Variants in ZDHHC20 observed in about 807,000 individuals in gnomAD.
ZDHHC20 encodes the protein zDHHC palmitoyltransferase 20, also known as palmitoyltransferase ZDHHC20.
In ZDHHC20, 43 loss-of-function variants were observed where a neutral mutation model predicts 57.8. That is an observed-to-expected ratio of 0.74 (90% confidence interval 0.58 to 0.96). The LOEUF (loss-of-function observed/expected upper bound fraction) is 0.96, where lower values mean the gene tolerates loss of function less well. Among genes scored for constraint, ZDHHC20 ranks in the 40% least tolerant of loss-of-function variants. ZDHHC20 has a pLI of 0.00. For missense variants in ZDHHC20, 391 were observed against 441.1 expected, an observed-to-expected ratio of 0.89 and a Z score of 1.02; for synonymous variants, 157 against 153.0, an observed-to-expected ratio of 1.03 and a Z score of -0.19.
At chr13:21,423,232 C>A (rs377014335) in intron 2 of ZDHHC20, among the ~76,000 whole-genome samples, 1 of 152,190 alleles carries the variant, frequency 6.6e-6, no homozygotes, top group South Asian at 2.1e-4. Flanking sequence ...AAAATCGTAA[C>A]CCTAACTTCC....
intron 9 of ZDHHC20, 102 bp from the exon 10 acceptor site, chr13:21,383,111 C>T: frequency 9.3e-7 from 1 of 1,078,366 alleles, no homozygotes; most frequent in East Asian, 2.6e-5. Flanking sequence ...ATTATCATAA[C>T]TTGTCATATA....
rs543704563 is a variant in ZDHHC20, at chr13:21,437,826, G to A, written c.119-12148C>T. ...CCTGCCTCAGCCTCCTAAGTAGGTAGGACTACAGGCGCCCGCCACCACGCC... is the reference window on the plus strand; with the variant it reads ...CCTGCCTCAGCCTCCTAAGTAGGTAAGACTACAGGCGCCCGCCACCACGCC... On this transcript the variant is annotated intron_variant, in intron 1 of 12. Transcript: ENST00000400590. Among the ~76,000 whole-genome samples the A allele has an allele frequency of 3.3e-5, 5 of 152,174 alleles. No individual in the cohort carries two copies. In the South Asian group the frequency reaches 1.0e-3, roughly 32 times the overall value.
intron 4 of ZDHHC20, 103 bp downstream of exon 4, chr13:21,413,549 A>C: frequency 1.9e-6 from 2 of 1,053,514 alleles, no homozygotes; most frequent in Non-Finnish European, 2.6e-6. Context: ...TATTTATGGC[A>C]ATCATAGTAT....
At chr13:21,393,189 CTT>C (rs544664779) in intron 7 of ZDHHC20, among the ~76,000 whole-genome samples, 5 of 131,490 alleles carry the variant, frequency 3.8e-5, no homozygotes, top group Non-Finnish European at 6.9e-5. Flanking sequence ...TTTCTTTTTT[CTT>C]TTTTTTTTTT....
At position 21,401,637 on chromosome 13, in the gene ZDHHC20, GT is replaced by G. The variant is rs767066862; in HGVS notation, c.473+15del. The G allele has an allele frequency of 1.3e-6, 2 of 1,533,376 alleles. No homozygotes were observed. The highest frequency in any genetic ancestry group is 1.8e-6 in the Non-Finnish European group (2 of 1,142,430). 95.0% of individuals were successfully genotyped at this position (1,533,376 alleles called of 1,614,324 possible). A position where few individuals can be genotyped will look rare whatever the true frequency, so the allele number is the denominator to read the frequency against. ...TCTCACCACCAATGCAATTTCTTCTGTTTTTTTATACATACCAAGGACAGTG... is the reference window on the plus strand; with the variant it reads ...TCTCACCACCAATGCAATTTCTTCTGTTTTTTATACATACCAAGGACAGTG... On this transcript the variant is annotated intron_variant, in intron 6 of 12. Coordinates refer to ENST00000400590, the MANE Select transcript of ZDHHC20 (RefSeq NM_001330059.2).
chr13:21,396,134 C>A (rs1876748191), intron 7 of ZDHHC20, among the ~76,000 whole-genome samples: 1 of 152,166 alleles, frequency 6.6e-6, no homozygotes. Flanking sequence ...CCCACAGGAA[C>A]CACAATAAAG....
rs1291138735 is a variant in ZDHHC20, at chr13:21,459,217, G to A, written c.-46C>T. The A allele has an allele frequency of 2.7e-6, 4 of 1,482,850 alleles. No individual in the cohort carries two copies. The highest frequency in any genetic ancestry group is 2.0e-5 in the Admixed American group (1 of 48,926). 91.9% of individuals were successfully genotyped at this position (1,482,850 alleles called of 1,614,324 possible). Reference sequence around the variant, plus strand: ...GCCCCGCGTCCCACCGTTCTGGGGAGCGCGGGAGCCCCGGCGACGGTGACT... The same window carrying A: ...GCCCCGCGTCCCACCGTTCTGGGGAACGCGGGAGCCCCGGCGACGGTGACT... On this transcript the variant is annotated 5_prime_UTR_variant, in exon 1 of 13. Coordinates refer to ENST00000400590, the MANE Select transcript of ZDHHC20 (RefSeq NM_001330059.2).
intron 7 of ZDHHC20, among the ~76,000 whole-genome samples, chr13:21,394,656 A>T (rs536170685): frequency 6.6e-6 from 1 of 152,338 alleles, no homozygotes; most frequent in South Asian, 2.1e-4. Context: ...AAATCATTGC[A>T]CACAAACATT....
intron 7 of ZDHHC20, among the ~76,000 whole-genome samples, chr13:21,393,940 A>G (rs1014060746): frequency 6.6e-6 from 1 of 152,198 alleles, no homozygotes; most frequent in Admixed American, 6.5e-5. Flanking sequence ...ACTAGTTTCC[A>G]AAAACTAGAT....
intron 1 of ZDHHC20, among the ~76,000 whole-genome samples, chr13:21,434,165 G>A (rs1019877854): frequency 2.0e-5 from 3 of 152,060 alleles, no homozygotes; most frequent in African/African-American, 7.2e-5. Flanking sequence ...TACCTGATAA[G>A]TTGATACCGA....
At chr13:21,411,259 T>C (rs1331442377) in intron 4 of ZDHHC20, among the ~76,000 whole-genome samples, 1 of 152,186 alleles carries the variant, frequency 6.6e-6, no homozygotes, top group Non-Finnish European at 1.5e-5. Context: ...TCACCTGCCT[T>C]CTGCGTTGGT....
intron 2 of ZDHHC20, among the ~76,000 whole-genome samples, chr13:21,425,364 CAT>C (rs1339839092): frequency 2.6e-5 from 4 of 151,956 alleles, no homozygotes; most frequent in African/African-American, 9.7e-5. Flanking sequence ...TTTTGAAGAA[CAT>C]ATGAGACAAA....
chr13:21,408,022 C>T (rs1197506146), intron 4 of ZDHHC20, among the ~76,000 whole-genome samples: 1 of 152,096 alleles, frequency 6.6e-6, no homozygotes, highest in Non-Finnish European at 1.5e-5. Flanking sequence ...GTTACTGTAG[C>T]CTTGTAGTAT....
intron 1 of ZDHHC20, among the ~76,000 whole-genome samples, chr13:21,436,023 A>C (rs1293935096): frequency 6.6e-6 from 1 of 152,236 alleles, no homozygotes; most frequent in Non-Finnish European, 1.5e-5. Context: ...CATTGTGTGC[A>C]AGCTGCACCA....
At chr13:21,384,520 G>A (rs535603536) in intron 9 of ZDHHC20, among the ~76,000 whole-genome samples, 16 of 150,130 alleles carry the variant, frequency 1.1e-4, no homozygotes, top group African/African-American at 3.9e-4. Context: ...ACAGAGTTGA[G>A]AGAGAGCAAG....
At chr13:21,407,471 T>C (rs1390111311) in intron 4 of ZDHHC20, among the ~76,000 whole-genome samples, 3 of 152,242 alleles carry the variant, frequency 2.0e-5, no homozygotes, top group Non-Finnish European at 2.9e-5. Context: ...CACATTTTGA[T>C]GAGGTTGTTT....
At chr13:21,400,837 A>G (rs1877518734) in intron 6 of ZDHHC20, among the ~76,000 whole-genome samples, 1 of 151,988 alleles carries the variant, frequency 6.6e-6, no homozygotes, top group Non-Finnish European at 1.5e-5. Flanking sequence ...CAGACTCCCA[A>G]GTAGCTGGGA....
At chr13:21,454,797 A>G (rs528792003) in intron 1 of ZDHHC20, among the ~76,000 whole-genome samples, 52 of 152,336 alleles carry the variant, frequency 3.4e-4, no homozygotes, top group Non-Finnish European at 5.3e-4. Context: ...TGCAGGAGAC[A>G]CAAGTAAATA....
At chr13:21,432,793 T>C (rs1882125439) in intron 1 of ZDHHC20, among the ~76,000 whole-genome samples, 1 of 152,248 alleles carries the variant, frequency 6.6e-6, no homozygotes, top group Admixed American at 6.5e-5. Context: ...AAAAAGTTGA[T>C]ACTTTGTATA....
Sources: gnomAD v4.1 joint callset for allele counts (sites outside exome capture counted in the v4.1 genomes callset) on GRCh38, gnomAD v4.1.1 for gene constraint, MANE v1.5 for transcripts, NCBI Gene and HGNC (gene_info 2026-07-23, HGNC 2026-07-21) for gene names.